The following AEBP2 variants were observed in gnomAD, a reference collection of about 807,000 sequenced individuals.
The protein encoded by AEBP2 is zinc finger protein AEBP2.
Under a neutral mutation model 50.8 loss-of-function variants are expected in AEBP2, and 10 were observed. The observed-to-expected ratio is 0.20, with a 90% CI of 0.12 to 0.33. The LOEUF (loss-of-function observed/expected upper bound fraction) is 0.33, where lower values mean the gene tolerates loss of function less well. AEBP2 is among the 10% of genes least tolerant of loss of function. The pLI, the probability that AEBP2 is intolerant of heterozygous loss-of-function variation, is 1.00. For synonymous variants in AEBP2, 296 were observed against 261.3 expected (o/e 1.13, Z -1.28); for missense variants, 570 against 688.0 (o/e 0.83, Z 1.92).
chr12:19,418,810 A>C (rs1428940032), intron 1 of AEBP2: 1 of 152,104 alleles, frequency 6.6e-6, no homozygotes, highest in Non-Finnish European at 1.5e-5. Context: ...ACCTCTGTAA[A>C]TATCCTGACG....
chr12:19,493,406 T>A (rs1174686852), intron 3 of AEBP2, among the ~76,000 whole-genome samples: 1 of 152,074 alleles, frequency 6.6e-6, no homozygotes, highest in African/African-American at 2.4e-5. Context: ...CTCAAAAAAA[T>A]AAAAATAAAA....
intron 2 of AEBP2, among the ~76,000 whole-genome samples, chr12:19,471,738 C>T (rs1425919461): frequency 6.6e-6 from 1 of 151,936 alleles, no homozygotes; most frequent in Non-Finnish European, 1.5e-5. Context: ...GCTGTGTTGC[C>T]CAGGCTGGTC....
intron 7 of AEBP2, among the ~76,000 whole-genome samples, chr12:19,515,408 C>T (rs563073917): frequency 1.3e-5 from 2 of 152,098 alleles, no homozygotes; most frequent in Non-Finnish European, 2.9e-5. Context: ...GTTTTACTAT[C>T]TCTGCTTTAC....
Position 19,462,562 on chromosome 12 carries a change from A to G in AEBP2, c.724A>G (p.Thr242Ala). ...VDSTISSGRS[T>A]PAMMNGQGST... ...CAGCACAATTTCCAGTGGGCGTTCAACTCCAGCAATGATGAATGGACAAGG... is the reference window on the plus strand; with the variant it reads ...CAGCACAATTTCCAGTGGGCGTTCAGCTCCAGCAATGATGAATGGACAAGG... The change falls in exon 2 of 8, where the codon ACT becomes GCT. Residue 242 changes from threonine to alanine, a missense_variant. By Grantham distance (58) the Thr-to-Ala change is moderately conservative (BLOSUM62 0). Around this residue, in one of 2 missense-constraint regions of AEBP2, gnomAD observed 184 missense variants for 351.2 expected, o/e 0.52. Coordinates refer to ENST00000266508, the MANE Select transcript of AEBP2 (RefSeq NM_153207.5). 1 of 1,613,616 alleles carries G rather than the reference A, an allele frequency of 6.2e-7. No homozygotes were observed. The highest frequency in any genetic ancestry group is 8.5e-7 in the Non-Finnish European group (1 of 1,179,760).
At chr12:19,510,476 T>C (rs1307236342) in intron 5 of AEBP2, among the ~76,000 whole-genome samples, 1 of 152,178 alleles carries the variant, frequency 6.6e-6, no homozygotes, top group Non-Finnish European at 1.5e-5. Flanking sequence ...GGAGTAAAAA[T>C]TTGATGTGAA....
At chr12:19,441,406 G>A (rs181072756) in intron 1 of AEBP2, among the ~76,000 whole-genome samples, 1 of 152,272 alleles carries the variant, frequency 6.6e-6, no homozygotes, top group Admixed American at 6.5e-5. Flanking sequence ...CACTTCTAAA[G>A]TGTATTAGCG....
chr12:19,493,750 C>T (rs750911696), intron 3 of AEBP2, 50 bp from the exon 4 acceptor site: 43 of 1,538,160 alleles, frequency 2.8e-5, no homozygotes, highest in Non-Finnish European at 3.6e-5. Flanking sequence ...ATATTCTTCT[C>T]GTGCCCTACA....
In AEBP2 at chr12:19,440,566, A is replaced by T. The variant is rs1369608779; in HGVS notation, c.671+196A>T. The T allele has an allele frequency of 2.1e-6, 3 of 1,403,472 alleles. No homozygotes were observed. The African/African-American group carries it at 4.4e-5, about 20-fold the overall frequency. 86.9% of individuals were successfully genotyped at this position (1,403,472 alleles called of 1,614,324 possible). Reference sequence around the variant, plus strand: ...CAGCGCATCGCGGCTTCCAACTCTCAAACCGTTCCCCCCCAACTCTCCTTT... The same window carrying T: ...CAGCGCATCGCGGCTTCCAACTCTCTAACCGTTCCCCCCCAACTCTCCTTT... On this transcript the variant is annotated intron_variant, in intron 1 of 7. Transcript: ENST00000266508.
At position 19,475,052 on chromosome 12, in the gene AEBP2, A is replaced by T. The variant is rs142620221; in HGVS notation, c.987+1697A>T. The stretch of plus-strand genomic sequence containing the variant: ...GTGATCTGCCCACCTTGGCCTCCCA[A>T]AGTGCTGGGATTAACCACACCTGGC... On this transcript the variant is annotated intron_variant, in intron 3 of 7. Coordinates refer to ENST00000266508, the MANE Select transcript of AEBP2 (RefSeq NM_153207.5). 8.3e-3 allele frequency among the ~76,000 whole-genome samples: 1,267 copies of T among 152,210 alleles called. 4 individuals carry two copies. Among genetic ancestry groups the T allele is most frequent in the Non-Finnish European group, 0.013 (901 of 68,006 alleles).
intron 3 of AEBP2, among the ~76,000 whole-genome samples, chr12:19,484,348 C>A (rs1005748477): frequency 3.4e-5 from 5 of 146,798 alleles, no homozygotes; most frequent in Non-Finnish European, 7.4e-5. Context: ...TCCGCCTCCC[C>A]TTGGTCTCAG....
At chr12:19,442,657 A>T (rs1947982819) in intron 1 of AEBP2, among the ~76,000 whole-genome samples, 1 of 152,230 alleles carries the variant, frequency 6.6e-6, no homozygotes, top group Admixed American at 6.5e-5. Flanking sequence ...GGTTTTCTTA[A>T]TGCTTAATTT....
At chr12:19,491,592 G>A (rs7305762) in intron 3 of AEBP2, among the ~76,000 whole-genome samples, 127,987 of 152,088 alleles carry the variant, frequency 0.84, 54,056 homozygotes, top group African/African-American at 0.9. Context: ...TTAACTTAGT[G>A]TGCACCATAG....
intron 3 of AEBP2, among the ~76,000 whole-genome samples, chr12:19,477,976 GGT>G (rs1948674042): frequency 6.6e-6 from 1 of 152,160 alleles, no homozygotes; most frequent in Non-Finnish European, 1.5e-5. Flanking sequence ...TGCATGTAAA[GGT>G]GTTCATAGTA....
chr12:19,445,131 C>T (rs1269833186), intron 1 of AEBP2, among the ~76,000 whole-genome samples: 2 of 152,044 alleles, frequency 1.3e-5, no homozygotes, highest in Non-Finnish European at 2.9e-5. Context: ...ATTTGGTACA[C>T]GTTCATTAAG....
chr12:19,496,822 C>T (rs912446827), intron 4 of AEBP2, among the ~76,000 whole-genome samples: 1 of 151,396 alleles, frequency 6.6e-6, no homozygotes, highest in African/African-American at 2.4e-5. Context: ...CCACCACACC[C>T]AACTAATTTT....
At chr12:19,440,849 T>C in intron 1 of AEBP2, 1 of 1,262,258 alleles carries the variant, frequency 7.9e-7, no homozygotes, top group Non-Finnish European at 1.1e-6. Flanking sequence ...AGACCCCAGC[T>C]ATCACTTTTC....
Position 19,511,617 on chromosome 12 carries a change from A to G in AEBP2, c.1300-781A>G, listed in dbSNP as rs564173764. Among the ~76,000 whole-genome samples, 4 of 152,322 alleles carry G rather than the reference A, an allele frequency of 2.6e-5. No individual in the cohort carries two copies. In the South Asian group the frequency reaches 8.3e-4, roughly 32 times the overall value. On this transcript the variant is annotated intron_variant, in intron 5 of 7. Coordinates refer to ENST00000266508, the MANE Select transcript of AEBP2 (RefSeq NM_153207.5). ...TAGCTTTGATGACTTGAGGAGGTCCAGAAGAATGGAGACCTGAACTTGGGT... is the reference window on the plus strand; with the variant it reads ...TAGCTTTGATGACTTGAGGAGGTCCGGAAGAATGGAGACCTGAACTTGGGT...
intron 2 of AEBP2, among the ~76,000 whole-genome samples, chr12:19,467,412 G>A (rs1948496604): frequency 6.6e-6 from 1 of 152,086 alleles, no homozygotes; most frequent in Non-Finnish European, 1.5e-5. Flanking sequence ...TCCTGTGTCA[G>A]CCTCCTAAGT....
intron 2 of AEBP2, chr12:19,466,727 A>G (rs1948483112): frequency 1.1e-6 from 1 of 900,648 alleles, no homozygotes. Context: ...TAGATTTCTT[A>G]TTTCTTCTTT....
Sources: gnomAD v4.1 joint callset for allele counts (sites outside exome capture counted in the v4.1 genomes callset) on GRCh38, gnomAD v4.1.1 for gene constraint, gnomAD v4.1.1 regional missense constraint, MANE v1.5 for transcripts, NCBI Gene and HGNC (gene_info 2026-07-23, HGNC 2026-07-21) for gene names.